RORA: variants seen among roughly 807,000 people sequenced by gnomAD.
The protein encoded by RORA is RAR related orphan receptor A.
A neutral mutation model predicts 69.5 loss-of-function variants in RORA; 7 were observed. That is an observed-to-expected ratio of 0.10 (90% CI 0.06 to 0.19). RORA has a LOEUF of 0.19. Ranked by LOEUF, RORA falls within the 10% of genes least tolerant of loss-of-function variation. The pLI is 1.00. For missense variants in RORA, 457 were observed against 663.0 expected (o/e 0.69, Z 3.41); for synonymous variants, 261 against 240.8 (o/e 1.08, Z -0.78).
At chr15:61,010,760 T>C (rs1895061437) in intron 1 of RORA, among the ~76,000 whole-genome samples, 1 of 152,218 alleles carries the variant, frequency 6.6e-6, no homozygotes, top group African/African-American at 2.4e-5. Context: ...TGCTGTGTTA[T>C]GCCCAGTGGA....
chr15:61,012,024 C>T (rs1022162289), intron 1 of RORA, among the ~76,000 whole-genome samples: 1 of 152,232 alleles, frequency 6.6e-6, no homozygotes, highest in African/African-American at 2.4e-5. Flanking sequence ...CATCCCAGGG[C>T]TGTGGAGCTT....
intron 1 of RORA, among the ~76,000 whole-genome samples, chr15:61,001,791 A>G (rs1035980683): frequency 6.6e-6 from 1 of 152,268 alleles, no homozygotes; most frequent in African/African-American, 2.4e-5. Context: ...GGAATAGGAC[A>G]GAGAGTGACT....
At chr15:60,774,725 C>A (rs538828681) in intron 1 of RORA, among the ~76,000 whole-genome samples, 2 of 152,162 alleles carry the variant, frequency 1.3e-5, no homozygotes, top group Non-Finnish European at 2.9e-5. Context: ...GGACAGAAGT[C>A]ATTTGCTGGT....
intron 1 of RORA, among the ~76,000 whole-genome samples, chr15:61,016,826 A>C (rs1318985292): frequency 1.3e-5 from 2 of 152,182 alleles, no homozygotes; most frequent in Admixed American, 6.5e-5. Flanking sequence ...CTGGTGGAGT[A>C]GTCCCCCTGG....
intron 1 of RORA, among the ~76,000 whole-genome samples, chr15:61,107,159 T>C (rs1350599700): frequency 6.6e-6 from 1 of 152,194 alleles, no homozygotes; most frequent in African/African-American, 2.4e-5. Flanking sequence ...ACCCGTGCTC[T>C]GCTTGTTTCT....
rs8031855 is a variant in RORA at position 60,785,246 on chromosome 15, C to T, written c.167-106560G>A. 7.6e-3 allele frequency among the ~76,000 whole-genome samples: 1,156 copies of T among 152,262 alleles called. 24 individuals carry two copies. The highest frequency in any genetic ancestry group is 0.026 in the African/African-American group (1,067 of 41,538). ...TCGAAAAGTAAACATCAGTGAGCAT[C>T]TTTCTAACAGGCTTGATCCATGCCC... is the stretch of plus-strand genomic sequence containing the variant. On this transcript the variant is annotated intron_variant, in intron 1 of 10. Transcript: ENST00000335670.
intron 1 of RORA, among the ~76,000 whole-genome samples, chr15:61,055,355 T>C (rs1479231507): frequency 6.6e-6 from 1 of 152,228 alleles, no homozygotes; most frequent in Non-Finnish European, 1.5e-5. Flanking sequence ...GGAGTAAGCA[T>C]GGCTTCACTA....
chr15:60,689,044 AC>A (rs2070785847), intron 1 of RORA, among the ~76,000 whole-genome samples: 1 of 152,144 alleles, frequency 6.6e-6, no homozygotes, highest in Admixed American at 6.5e-5. Context: ...AAAGAGGATG[AC>A]CTCTGGAGTC....
At chr15:61,055,052 G>C (rs2078075082) in intron 1 of RORA, among the ~76,000 whole-genome samples, 1 of 152,024 alleles carries the variant, frequency 6.6e-6, no homozygotes, top group Admixed American at 6.6e-5. Context: ...GCCCAGACTG[G>C]TCTCGAACTC....
In RORA at chr15:60,790,962, C is replaced by T. The variant is rs188624578; in HGVS notation, c.167-112276G>A. Among the ~76,000 whole-genome samples, 15 of 152,152 alleles carry T rather than the reference C, an allele frequency of 9.9e-5. No homozygotes were observed. The East Asian group carries it at 2.5e-3, about 25-fold the overall frequency. ...CTATGACCTTCAGAGGCCCTAGAAA[C>T]GCCCCCCCATTGCCCCCCCAAAAAG... On this transcript the variant is annotated intron_variant, in intron 1 of 10. Coordinates refer to ENST00000335670, the MANE Select transcript of RORA (RefSeq NM_134261.3).
At chr15:60,609,140 C>T (rs1470095763) in intron 2 of RORA, among the ~76,000 whole-genome samples, 1 of 152,088 alleles carries the variant, frequency 6.6e-6, no homozygotes, top group Non-Finnish European at 1.5e-5. Flanking sequence ...ATTTGCTTAC[C>T]AATAGCAGAA....
intron 1 of RORA, among the ~76,000 whole-genome samples, chr15:61,103,675 A>G (rs2078911882): frequency 1.3e-5 from 2 of 152,178 alleles, no homozygotes; most frequent in Non-Finnish European, 2.9e-5. Flanking sequence ...TCTAATTCTC[A>G]GGGCATTCAC....
chr15:60,876,491 C>T (rs185874136), intron 1 of RORA, among the ~76,000 whole-genome samples: 2 of 152,344 alleles, frequency 1.3e-5, no homozygotes, highest in African/African-American at 2.4e-5. Flanking sequence ...CATTACTGCA[C>T]TGATGCCCAT....
At chr15:60,846,015 G>T (rs2073260874) in intron 1 of RORA, among the ~76,000 whole-genome samples, 1 of 152,164 alleles carries the variant, frequency 6.6e-6, no homozygotes, top group South Asian at 2.1e-4. Flanking sequence ...AAAGTGCTGG[G>T]ATTACAGGCG....
At chr15:61,114,156 G>A (rs111485820) in intron 1 of RORA, among the ~76,000 whole-genome samples, 4,313 of 152,210 alleles carry the variant, frequency 0.028, 104 homozygotes, top group Non-Finnish European at 0.047. Flanking sequence ...ACCACAGAGG[G>A]AACTGGAGAG....
intron 1 of RORA, among the ~76,000 whole-genome samples, chr15:60,692,139 A>G (rs1255685556): frequency 1.3e-5 from 2 of 152,250 alleles, no homozygotes; most frequent in African/African-American, 2.4e-5. Flanking sequence ...TATAATAAAA[A>G]GTCAGCATGC....
chr15:60,881,082 G>A (rs146199206), intron 1 of RORA, among the ~76,000 whole-genome samples: 3 of 152,322 alleles, frequency 2.0e-5, no homozygotes, highest in Non-Finnish European at 4.4e-5. Context: ...ACAATGCTCT[G>A]TACTCTGCCT....
At chr15:60,860,672 T>C (rs1185547810) in intron 1 of RORA, among the ~76,000 whole-genome samples, 1 of 152,212 alleles carries the variant, frequency 6.6e-6, no homozygotes. Context: ...CCCTTAATTG[T>C]GACACACTAA....
chr15:60,920,122 A>G (rs1891998836), intron 1 of RORA, among the ~76,000 whole-genome samples: 2 of 152,270 alleles, frequency 1.3e-5, no homozygotes, highest in Middle Eastern at 6.8e-3. Flanking sequence ...ATCTCACCCC[A>G]CTAACCAAAC....
Sources: gnomAD v4.1 joint callset for allele counts (sites outside exome capture counted in the v4.1 genomes callset) on GRCh38, gnomAD v4.1.1 for gene constraint, MANE v1.5 for transcripts, NCBI Gene and HGNC (gene_info 2026-07-23, HGNC 2026-07-21) for gene names.